NAF1: variants seen among roughly 807,000 people sequenced by gnomAD.
NAF1 encodes nuclear assembly factor 1 ribonucleoprotein.
In NAF1, 11 loss-of-function variants were observed where a neutral mutation model predicts 40.6. The observed-to-expected ratio is 0.27, with a 90% confidence interval of 0.17 to 0.45. The LOEUF (loss-of-function observed/expected upper bound fraction) is 0.45. NAF1 is among the 20% of genes least tolerant of loss of function. The probability of loss-of-function intolerance (pLI) is 1.00; values close to 1 mark genes in which losing one functional copy is unlikely to be tolerated. For missense variants in NAF1, 607 were observed against 611.1 expected, an observed-to-expected ratio of 0.99 and a Z score of 0.07; for synonymous variants, 260 against 228.5, an observed-to-expected ratio of 1.14 and a Z score of -1.24.
intron 4 of NAF1, chr4:163,144,000 G>A: frequency 4.1e-6 from 4 of 974,874 alleles, no homozygotes; most frequent in Non-Finnish European, 4.9e-6. Flanking sequence ...GAGAACTGAG[G>A]GGGTGGGGAA....
At chr4:163,153,138 T>TGGGTTCCTGTGCAGCG (rs916971188) in intron 2 of NAF1, among the ~76,000 whole-genome samples, 2 of 152,156 alleles carry the variant, frequency 1.3e-5, no homozygotes, top group African/African-American at 2.4e-5. Flanking sequence ...CCCGCCTCCG[T>TGGGTTCCTGTGCAGCG]GGGTTCCTGT....
intron 2 of NAF1, among the ~76,000 whole-genome samples, chr4:163,150,107 T>C (rs1159226039): frequency 6.6e-6 from 1 of 152,162 alleles, no homozygotes; most frequent in African/African-American, 2.4e-5. Context: ...TATTCTCAAA[T>C]AAACAAGTGC....
intron 2 of NAF1, among the ~76,000 whole-genome samples, chr4:163,162,263 T>C (rs1338757112): frequency 6.6e-6 from 1 of 152,228 alleles, no homozygotes; most frequent in Admixed American, 6.5e-5. Flanking sequence ...ACAAAGTCAT[T>C]CTTTTCCCCC....
At chr4:163,134,144 T>C (rs1236399516) in intron 6 of NAF1, among the ~76,000 whole-genome samples, 1 of 152,170 alleles carries the variant, frequency 6.6e-6, no homozygotes, top group Non-Finnish European at 1.5e-5. Flanking sequence ...ATGACTGTCA[T>C]CTATAGTTCA....
rs184648839 is a variant in NAF1, at chr4:163,115,991, C to T, written c.115-5701G>A. ...CTAATATCATCATGACACTAAATTGCCTCTTGAAGCAAAATTGATTTAATA... is the reference window on the plus strand; with the variant it reads ...CTAATATCATCATGACACTAAATTGTCTCTTGAAGCAAAATTGATTTAATA... On this transcript the variant is annotated intron_variant, in intron 2 of 2. Coordinates refer to the NAF1 transcript ENST00000509434. 2.6e-5 allele frequency among the ~76,000 whole-genome samples: 4 copies of T among 152,226 alleles called. No individual in the cohort carries two copies. The East Asian group carries it at 7.7e-4, about 29-fold the overall frequency.
intron 4 of NAF1, among the ~76,000 whole-genome samples, chr4:163,145,388 G>C (rs545119277): frequency 1.2e-4 from 19 of 152,262 alleles, no homozygotes; most frequent in African/African-American, 4.3e-4. Flanking sequence ...AAAAGTCTGA[G>C]AGCCACTATT....
intron 2 of NAF1, among the ~76,000 whole-genome samples, chr4:163,114,348 T>C (rs1370539610): frequency 6.6e-6 from 1 of 152,204 alleles, no homozygotes; most frequent in Non-Finnish European, 1.5e-5. Flanking sequence ...AGGAGCTTCC[T>C]CCTGGTATTT....
chr4:163,146,907 CA>C (rs1398527131), intron 3 of NAF1, among the ~76,000 whole-genome samples: 1 of 152,024 alleles, frequency 6.6e-6, no homozygotes, highest in African/African-American at 2.4e-5. Context: ...GTTAAAAATG[CA>C]AAAATGACAT....
At chr4:163,117,682 C>CACACAT (rs1318180395) in intron 2 of NAF1, among the ~76,000 whole-genome samples, 2 of 132,324 alleles carry the variant, frequency 1.5e-5, no homozygotes, top group East Asian at 4.1e-4. Context: ...GGAAGCAATA[C>CACACAT]ACACACACAC....
At chr4:163,115,972 T>C (rs1164279125) in intron 2 of NAF1, among the ~76,000 whole-genome samples, 1 of 152,190 alleles carries the variant, frequency 6.6e-6, no homozygotes, top group African/African-American at 2.4e-5. Context: ...TATACTAATA[T>C]CATCATGACA....
chr4:163,118,613 C>T (rs1051918060), intron 2 of NAF1, among the ~76,000 whole-genome samples: 5 of 152,080 alleles, frequency 3.3e-5, no homozygotes, highest in African/African-American at 4.8e-5. Flanking sequence ...ATTAGCCGGG[C>T]GTGGTGGCAC....
At chr4:163,149,082 T>C (rs184076627) in intron 2 of NAF1, among the ~76,000 whole-genome samples, 11 of 152,322 alleles carry the variant, frequency 7.2e-5, no homozygotes, top group Non-Finnish European at 1.5e-5. Context: ...TAAAGATTTC[T>C]CTTTTCTTAC....
At chr4:163,152,952 C>A (rs1224414713) in intron 2 of NAF1, among the ~76,000 whole-genome samples, 1 of 152,216 alleles carries the variant, frequency 6.6e-6, no homozygotes, top group Non-Finnish European at 1.5e-5. Flanking sequence ...AGCCGGCCAG[C>A]CCTGCTGGCC....
At chr4:163,126,725 C>A (rs1203859341), downstream of NAF1, 2 of 290,726 alleles carry the variant, frequency 6.9e-6, no homozygotes, top group Non-Finnish European at 1.3e-5. Context: ...CAAGTAGCAT[C>A]ACATGCTACA....
intron 7 of NAF1, among the ~76,000 whole-genome samples, chr4:163,131,022 G>A (rs748695224): frequency 7.9e-5 from 12 of 152,050 alleles, no homozygotes; most frequent in Non-Finnish European, 1.6e-4. Context: ...GTAGGAATGC[G>A]CCACCATGCC....
Position 163,166,623 on chromosome 4 carries a change from G to T in NAF1, c.105C>A (p.Ala35=). The stretch of plus-strand genomic sequence containing the variant: ...GCGGCGGCTGTGTCCCTGGCACAGG[G>T]GCAGAGCCCGGAGACGGAGCCGCCG... ...EGPAAPSPGS[A]PVPGTQPPLQ... The change falls in exon 1 of 8, where the codon GCC becomes GCA. Residue 35 remains alanine (A), a synonymous_variant. Transcript: ENST00000274054. The T allele has an allele frequency of 6.2e-7, 1 of 1,611,414 alleles. No homozygotes were observed. Among genetic ancestry groups the T allele is most frequent in the African/African-American group, 1.3e-5 (1 of 75,028 alleles).
intron 3 of NAF1, among the ~76,000 whole-genome samples, chr4:163,147,127 G>T (rs1335430808): frequency 6.6e-6 from 1 of 152,056 alleles, no homozygotes; most frequent in East Asian, 1.9e-4. Context: ...ATCACGGAAA[G>T]AATTTTAATT....
chr4:163,156,517 T>C (rs1391486770), intron 2 of NAF1, among the ~76,000 whole-genome samples: 1 of 152,010 alleles, frequency 6.6e-6, no homozygotes, highest in Non-Finnish European at 1.5e-5. Flanking sequence ...TAAATAAAAT[T>C]TAAAATTTGG....
chr4:163,104,075 G>C, the NAF1 span, among the ~76,000 whole-genome samples: 1 of 152,086 alleles, frequency 6.6e-6, no homozygotes, highest in Non-Finnish European at 1.5e-5. Flanking sequence ...GTTCTCTTGC[G>C]GGTAGGGGTG....
Sources: allele counts gnomAD v4.1 joint callset (sites outside exome capture counted in the v4.1 genomes callset), GRCh38; gene constraint gnomAD v4.1.1; transcripts MANE v1.5; gene names NCBI Gene and HGNC (gene_info 2026-07-23, HGNC 2026-07-21).